The following PFKFB3 variants were observed in gnomAD, a reference collection of about 807,000 sequenced individuals.
PFKFB3 encodes the protein 6-phosphofructo-2-kinase/fructose-2,6-biphosphatase 3, also known as 6-phosphofructo-2-kinase/fructose-2,6-bisphosphatase 3.
In PFKFB3, 33 loss-of-function variants were observed where a neutral mutation model predicts 68.0. The observed-to-expected ratio is 0.49, with a 90% CI of 0.37 to 0.65. PFKFB3 has a LOEUF of 0.65. Ranked by LOEUF, PFKFB3 falls within the 30% of genes least tolerant of loss-of-function variation. The pLI is 0.00. For missense variants in PFKFB3, 586 were observed against 712.2 expected (o/e 0.82, Z 2.02); for synonymous variants, 315 against 288.2 (o/e 1.09, Z -0.94).
In PFKFB3 at chr10:6,222,977, G is replaced by C; in HGVS notation, c.1206G>C (p.Lys402Asn). The change falls in exon 11 of 15, where the codon AAG becomes AAC. Residue 402 changes from lysine (K) to asparagine (N), a missense_variant. Lys to Asn is a moderately conservative substitution (Grantham distance 94). Transcript: ENST00000379775. ...GCCTGCTTGCCTACTTCCTGGATAAGAGTGCAGGTACCTCGGGCAGGTCGT... is the reference window on the plus strand; with the variant it reads ...GCCTGCTTGCCTACTTCCTGGATAACAGTGCAGGTACCTCGGGCAGGTCGT... ...LRCLLAYFLD[K>N]SAEEMPYLKC... The C allele has an allele frequency of 6.2e-7, 1 of 1,613,374 alleles. No individual in the cohort carries two copies. Among genetic ancestry groups the C allele is most frequent in the Non-Finnish European group, 8.5e-7 (1 of 1,179,604 alleles).
At chr10:6,236,125 G>A (rs147938819), downstream of PFKFB3, among the ~76,000 whole-genome samples, 4 of 152,090 alleles carry the variant, frequency 2.6e-5, no homozygotes, top group African/African-American at 9.7e-5. Flanking sequence ...TTAAACACCA[G>A]TTCTTGCCTC....
At chr10:6,318,806 C>A in the PFKFB3 span, among the ~76,000 whole-genome samples, 1 of 152,134 alleles carries the variant, frequency 6.6e-6, no homozygotes, top group Non-Finnish European at 1.5e-5. Flanking sequence ...GGCCACGGGA[C>A]CAGCTCCGTC....
At chr10:6,219,490 T>A (rs201893694) in intron 6 of PFKFB3, 79 bp from the exon 7 acceptor site, 9 of 1,549,272 alleles carry the variant, frequency 5.8e-6, no homozygotes, top group African/African-American at 1.4e-5. Flanking sequence ...GCTCCCCTTT[T>A]GAAAGCCCCA....
At chr10:6,255,109 A>C (rs1846475982), downstream of PFKFB3, among the ~76,000 whole-genome samples, 1 of 145,474 alleles carries the variant, frequency 6.9e-6, no homozygotes, top group African/African-American at 2.6e-5. Context: ...GAGCCACTGG[A>C]CCTGGCCAAT....
chr10:6,220,760 C>T lies in PFKFB3; in HGVS notation c.726C>T (p.Ile242=), dbSNP rs1844897024. Residue 242 remains isoleucine (I), a synonymous_variant, in exon 8 of 15, where the codon ATC becomes ATT. Coordinates refer to ENST00000379775, the MANE Select transcript of PFKFB3 (RefSeq NM_004566.4). This position sits in a 1 kb window ranked among gnomAD's most constrained non-coding sequence, Gnocchi z 4.1. ...QSRIVYYLMN[I]HVQPRTIYLC... is the part of the protein sequence containing the mutation. Reference sequence around the variant, plus strand: ...GCATCGTGTACTACCTGATGAACATCCACGTGCAGCCGCGTACCATCTACC... The same window carrying T: ...GCATCGTGTACTACCTGATGAACATTCACGTGCAGCCGCGTACCATCTACC... The T allele has an allele frequency of 6.2e-7, 1 of 1,613,988 alleles. No individual in the cohort carries two copies. Among genetic ancestry groups the T allele is most frequent in the Admixed American group, 1.7e-5 (1 of 60,006 alleles).
At position 6,157,337 on chromosome 10, in the gene PFKFB3, C is replaced by T. The variant is rs377091447; in HGVS notation, c.16+12324C>T. Among the ~76,000 whole-genome samples the T allele has an allele frequency of 9.2e-5, 14 of 151,884 alleles. No individual in the cohort carries two copies. The South Asian group carries it at 2.7e-3, about 29-fold the overall frequency. ...CACCTCCTGGGTTCACGCCATTCTCCTGCCTCAGCCTCCCGAGTAGCTGGG... is the reference window on the plus strand; with the variant it reads ...CACCTCCTGGGTTCACGCCATTCTCTTGCCTCAGCCTCCCGAGTAGCTGGG... On this transcript the variant is annotated intron_variant, in intron 1 of 14. Transcript: ENST00000379789.
At chr10:6,238,306 A>G (rs112927192), downstream of PFKFB3, among the ~76,000 whole-genome samples, 185 of 152,108 alleles carry the variant, frequency 1.2e-3, no homozygotes, top group African/African-American at 4.1e-3. Context: ...CTGGGATTAC[A>G]GGTGCATGCC....
In PFKFB3 at chr10:6,221,748, G is replaced by A. The variant is rs1171766359; in HGVS notation, c.1083+3G>A. The stretch of plus-strand genomic sequence containing the variant: ...ATTACCGCTACCCCACCGGGGAGGT[G>A]AGCGCAGGCTGGGGCGGGCTGACGG... On this transcript the variant is annotated splice_donor_region_variant and intron_variant, in intron 10 of 14. Coordinates refer to ENST00000379775, the MANE Select transcript of PFKFB3 (RefSeq NM_004566.4). 3.8e-6 allele frequency: 6 copies of A among 1,587,290 alleles called. No homozygotes were observed. The South Asian group carries it at 5.7e-5, about 15-fold the overall frequency.
At chr10:6,247,990 G>A (rs1163210492) in intron 14 of PFKFB3, among the ~76,000 whole-genome samples, 1 of 152,210 alleles carries the variant, frequency 6.6e-6, no homozygotes, top group African/African-American at 2.4e-5. Context: ...AGGTCACCCT[G>A]GGTAGAGCAG....
chr10:6,167,021 G>C (rs1345145458), intron 1 of PFKFB3, among the ~76,000 whole-genome samples: 1 of 152,096 alleles, frequency 6.6e-6, no homozygotes, highest in African/African-American at 2.4e-5. Context: ...TGGAGATGGA[G>C]TTTCTCCATG....
At chr10:6,153,258 C>T (rs1191859231) in intron 1 of PFKFB3, among the ~76,000 whole-genome samples, 1 of 152,200 alleles carries the variant, frequency 6.6e-6, no homozygotes, top group African/African-American at 2.4e-5. Flanking sequence ...CTGCCCTGTC[C>T]TGCGGGTGCC....
At chr10:6,261,344 C>T in the PFKFB3 span, among the ~76,000 whole-genome samples, 18 of 152,168 alleles carry the variant, frequency 1.2e-4, no homozygotes, top group Non-Finnish European at 2.1e-4. Flanking sequence ...ATCCCTTAAA[C>T]GCTGTCTTTG....
At chr10:6,203,395 T>C in intron 1 of PFKFB3, 59 bp downstream of exon 1, 1 of 1,399,340 alleles carries the variant, frequency 7.1e-7, no homozygotes, top group Non-Finnish European at 9.8e-7. Context: ...CGGGCCATTG[T>C]GTGGGGCGGC....
At chr10:6,167,140 A>G (rs1451101736) in intron 1 of PFKFB3, among the ~76,000 whole-genome samples, 1 of 151,970 alleles carries the variant, frequency 6.6e-6, no homozygotes, top group Non-Finnish European at 1.5e-5. Flanking sequence ...TCTTTTTTGC[A>G]AATCTGACAC....
chr10:6,295,945 A>T, the PFKFB3 span, among the ~76,000 whole-genome samples: 1 of 152,190 alleles, frequency 6.6e-6, no homozygotes, highest in African/African-American at 2.4e-5. Flanking sequence ...GCTAGTTTAC[A>T]CTGAGCCTCC....
intron 1 of PFKFB3, among the ~76,000 whole-genome samples, chr10:6,149,237 T>A (rs996425771): frequency 6.6e-6 from 1 of 152,192 alleles, no homozygotes; most frequent in Admixed American, 6.5e-5. Flanking sequence ...TTCCAAGGAT[T>A]TTTGTACGTT....
intron 1 of PFKFB3, 114 bp from the exon 2 acceptor site, chr10:6,213,509 C>A (rs1844365480): frequency 1.6e-6 from 2 of 1,247,910 alleles, no homozygotes; most frequent in Admixed American, 4.2e-5. Context: ...AGAGTGAGAC[C>A]CTGTCTCAAA....
chr10:6,192,447 A>G (rs1843055641), intron 1 of PFKFB3, among the ~76,000 whole-genome samples: 1 of 150,796 alleles, frequency 6.6e-6, no homozygotes, highest in Non-Finnish European at 1.5e-5. Context: ...TATGAGGGGA[A>G]CAGAGCAGGG....
upstream of PFKFB3, among the ~76,000 whole-genome samples, chr10:6,200,045 CAACA>C (rs201043656): frequency 1.0e-3 from 154 of 151,226 alleles, no homozygotes; most frequent in African/African-American, 3.5e-3. Flanking sequence ...CCAACAAAAC[CAACA>C]AAAACCCCAG....
Sources: gnomAD v4.1 joint callset for allele counts (sites outside exome capture counted in the v4.1 genomes callset) on GRCh38, gnomAD v4.1.1 for gene constraint, Gnocchi (gnomAD v3.1) non-coding constraint, MANE v1.5 for transcripts, NCBI Gene and HGNC (gene_info 2026-07-23, HGNC 2026-07-21) for gene names.